The following MEF2C variants were observed in gnomAD, a reference collection of about 807,000 sequenced individuals.
The protein encoded by MEF2C is myocyte enhancer factor 2C.
In MEF2C, 6 loss-of-function variants were observed where a neutral mutation model predicts 50.5. The ratio of observed to expected loss-of-function variants is 0.12; its 90% CI spans 0.07 to 0.23. MEF2C has a LOEUF of 0.23. Among genes scored for constraint, MEF2C ranks in the 10% least tolerant of loss-of-function variants. The pLI, the probability that MEF2C is intolerant of heterozygous loss-of-function variation, is 1.00. For missense variants in MEF2C, 276 were observed against 605.0 expected (o/e 0.46, Z 5.70); for synonymous variants, 183 against 228.0 (o/e 0.80, Z 1.78).
intron 4 of MEF2C, among the ~76,000 whole-genome samples, chr5:88,756,373 T>C (rs1775317581): frequency 6.6e-6 from 1 of 152,186 alleles, no homozygotes; most frequent in Non-Finnish European, 1.5e-5. Context: ...TGTGTACCCA[T>C]TGTTTAGCTC....
chr5:88,880,944 T>C (rs1832649005), intron 1 of MEF2C: 1 of 152,168 alleles, frequency 6.6e-6, no homozygotes, highest in South Asian at 2.1e-4. Flanking sequence ...TATCTTTCAA[T>C]ATATTCCACA....
chr5:88,732,531 TCCTTC>T (rs1205374057), intron 6 of MEF2C: 1 of 152,218 alleles, frequency 6.6e-6, no homozygotes, highest in Admixed American at 6.5e-5. Flanking sequence ...AAAGCAAGAC[TCCTTC>T]CCTGGAGCTG....
intron 3 of MEF2C, among the ~76,000 whole-genome samples, chr5:88,798,321 A>G (rs539991807): frequency 6.6e-6 from 1 of 152,104 alleles, no homozygotes; most frequent in Admixed American, 6.6e-5. Flanking sequence ...TATTTCTTGG[A>G]GGCTTTGTTC....
intron 4 of MEF2C, among the ~76,000 whole-genome samples, chr5:88,754,255 G>A (rs1017990595): frequency 6.6e-6 from 1 of 152,174 alleles, no homozygotes; most frequent in African/African-American, 2.4e-5. Context: ...TTTCTCTAGC[G>A]AAGACCCCAT....
At chr5:88,882,725 G>A (rs908561868) in intron 1 of MEF2C, among the ~76,000 whole-genome samples, 1 of 152,180 alleles carries the variant, frequency 6.6e-6, no homozygotes, top group African/African-American at 2.4e-5. Flanking sequence ...CGAGTCAGGA[G>A]TGATTTCAAT....
intron 2 of MEF2C, among the ~76,000 whole-genome samples, chr5:88,813,750 A>G (rs900618859): frequency 6.6e-6 from 1 of 151,354 alleles, no homozygotes; most frequent in South Asian, 2.1e-4. Context: ...CAATGAATGG[A>G]TAATTTTTTA....
At chr5:88,733,150 A>C in intron 6 of MEF2C, 1 of 985,360 alleles carries the variant, frequency 1.0e-6, no homozygotes, top group East Asian at 1.1e-4. Flanking sequence ...AGGTGATCCA[A>C]TAAAAGATTC....
intron 2 of MEF2C, among the ~76,000 whole-genome samples, chr5:88,812,652 T>C (rs192615926): frequency 6.6e-6 from 1 of 152,270 alleles, no homozygotes; most frequent in African/African-American, 2.4e-5. Context: ...TCTCCCTACA[T>C]TCGACAGTAT....
chr5:88,767,457 TTTAA>T (rs1354698157), intron 3 of MEF2C, among the ~76,000 whole-genome samples: 2 of 152,194 alleles, frequency 1.3e-5, no homozygotes, highest in Non-Finnish European at 2.9e-5. Context: ...GCAGGTAGAC[TTTAA>T]TTAGGCAAGC....
At chr5:88,753,547 G>A (rs746445616) in intron 4 of MEF2C, among the ~76,000 whole-genome samples, 7 of 151,986 alleles carry the variant, frequency 4.6e-5, no homozygotes, top group Admixed American at 2.0e-4. Flanking sequence ...GTGCCACCAC[G>A]CCCAGCTATT....
intron 3 of MEF2C, among the ~76,000 whole-genome samples, chr5:88,784,541 G>A (rs1789889307): frequency 6.6e-6 from 1 of 152,104 alleles, no homozygotes; most frequent in Non-Finnish European, 1.5e-5. Context: ...TGATAGCCTA[G>A]CATAGTTACC....
intron 1 of MEF2C, among the ~76,000 whole-genome samples, chr5:88,888,727 T>G (rs1834234210): frequency 6.6e-6 from 1 of 152,088 alleles, no homozygotes; most frequent in African/African-American, 2.4e-5. Flanking sequence ...AAGGTTTTTT[T>G]TTTTTTTTTA....
chr5:88,863,774 C>T (rs1377278520), intron 1 of MEF2C, among the ~76,000 whole-genome samples: 1 of 151,960 alleles, frequency 6.6e-6, no homozygotes, highest in African/African-American at 2.4e-5. Context: ...TTTCACTTAA[C>T]GTAATGTCTT....
chr5:88,783,868 T>C (rs994551588), intron 3 of MEF2C, among the ~76,000 whole-genome samples: 2 of 152,196 alleles, frequency 1.3e-5, no homozygotes, highest in African/African-American at 4.8e-5. Context: ...TCTTCCAAAC[T>C]TGTATTTCTC....
intron 1 of MEF2C, among the ~76,000 whole-genome samples, chr5:88,859,486 A>G (rs935629719): frequency 6.6e-6 from 1 of 152,222 alleles, no homozygotes; most frequent in Admixed American, 6.5e-5. Flanking sequence ...AAGGAAAATC[A>G]AGGAGAATGC....
rs560041987 is a variant in MEF2C at position 88,748,026 on chromosome 5, T to C, written c.637+1044A>G. The C allele has an allele frequency of 1.0e-4, 99 of 979,270 alleles. 1 individual carries two copies. The African/African-American group carries it at 1.6e-3, about 16-fold the overall frequency. 60.7% of individuals were successfully genotyped at this position (979,270 alleles called of 1,614,324 possible). A position where few individuals can be genotyped will look rare whatever the true frequency, so the allele number is the denominator to read the frequency against. The stretch of plus-strand genomic sequence containing the variant: ...ATATAAAATAGGAAGCTAGTGTTAT[T>C]CATCTTGTTTGCTAATCACTGTGTA... On this transcript the variant is annotated intron_variant, in intron 6 of 10. Coordinates refer to ENST00000504921, the MANE Select transcript of MEF2C (RefSeq NM_002397.5).
At chr5:88,869,154 T>C (rs1427108572) in intron 1 of MEF2C, among the ~76,000 whole-genome samples, 3 of 150,990 alleles carry the variant, frequency 2.0e-5, no homozygotes, top group Non-Finnish European at 4.4e-5. Context: ...TTTATATTGC[T>C]GGATTTGTCT....
chr5:88,753,232 T>C (rs1773690526), intron 4 of MEF2C, among the ~76,000 whole-genome samples: 1 of 152,200 alleles, frequency 6.6e-6, no homozygotes, highest in Non-Finnish European at 1.5e-5. Flanking sequence ...ACAATACTTT[T>C]CTTTGTTTAT....
At chr5:88,816,349 T>G (rs1805370561) in intron 2 of MEF2C, among the ~76,000 whole-genome samples, 1 of 151,976 alleles carries the variant, frequency 6.6e-6, no homozygotes, top group Non-Finnish European at 1.5e-5. Context: ...GCTGTGATCC[T>G]ACTACATGGT....
Sources: allele counts gnomAD v4.1 joint callset (sites outside exome capture counted in the v4.1 genomes callset), GRCh38; gene constraint gnomAD v4.1.1; transcripts MANE v1.5; gene names NCBI Gene and HGNC (gene_info 2026-07-23, HGNC 2026-07-21).